The following RPRD2 variants were observed in gnomAD, a reference collection of about 807,000 sequenced individuals.
The protein encoded by RPRD2 is regulation of nuclear pre-mRNA domain-containing protein 2.
RPRD2 carries 12 observed loss-of-function variants against 104.4 expected under a neutral mutation model. That is an observed-to-expected ratio of 0.11 (90% CI 0.07 to 0.19). The LOEUF is 0.19. RPRD2 is among the 10% of genes least tolerant of loss of function. The probability of loss-of-function intolerance (pLI) is 1.00; values close to 1 mark genes in which losing one functional copy is unlikely to be tolerated. For missense variants in RPRD2, 1,543 were observed against 1,790.1 expected (o/e 0.86, Z 2.49); for synonymous variants, 714 against 684.9 (o/e 1.04, Z -0.66).
chr1:150,385,965 T>A (rs141676704), intron 1 of RPRD2, among the ~76,000 whole-genome samples: 1 of 152,144 alleles, frequency 6.6e-6, no homozygotes, highest in African/African-American at 2.4e-5. Flanking sequence ...TTTCCTGAGT[T>A]GAGTAATAAA....
intron 1 of RPRD2, among the ~76,000 whole-genome samples, chr1:150,374,018 C>T (rs587685221): frequency 6.6e-6 from 1 of 152,218 alleles, no homozygotes; most frequent in Admixed American, 6.5e-5. Context: ...ATTTTGTATG[C>T]TAATGAGTTG....
In RPRD2 at chr1:150,472,860, T is replaced by G. The variant is rs769089741; in HGVS notation, c.3912T>G (p.Val1304=). The G allele has an allele frequency of 1.7e-5, 27 of 1,612,806 alleles. No homozygotes were observed. The highest frequency in any genetic ancestry group is 2.2e-5 in the Non-Finnish European group (26 of 1,179,412). ...CACCCCCTGTTGACCACTCTGGAGTTGTACCCTTCCCAGCCCCACCACTGG... is the reference window on the plus strand; with the variant it reads ...CACCCCCTGTTGACCACTCTGGAGTGGTACCCTTCCCAGCCCCACCACTGG... ...PPPPPVDHSG[V]VPFPAPPLAE... Residue 1304 remains valine, a synonymous_variant, in exon 11 of 11, where the codon GTT becomes GTG. Coordinates refer to ENST00000369068, the MANE Select transcript of RPRD2 (RefSeq NM_015203.5).
chr1:150,427,392 G>T (rs1328713709), intron 2 of RPRD2, among the ~76,000 whole-genome samples: 1 of 151,478 alleles, frequency 6.6e-6, no homozygotes, highest in Non-Finnish European at 1.5e-5. Context: ...AGAATTGCTT[G>T]AACCCAGGAG....
intron 9 of RPRD2, 35 bp from the exon 10 acceptor site, chr1:150,464,492 A>G (rs1668138224): frequency 6.5e-7 from 1 of 1,533,624 alleles, no homozygotes; most frequent in Non-Finnish European, 8.9e-7. Flanking sequence ...GTCATTTTGA[A>G]TTGCATTTTC....
intron 2 of RPRD2, among the ~76,000 whole-genome samples, chr1:150,426,629 T>A (rs7536190): frequency 0.92 from 140,030 of 152,250 alleles, 64,522 homozygotes; most frequent in East Asian, 1. Flanking sequence ...CTAATTAAAT[T>A]TAAAACAAAT....
chr1:150,369,623 A>T (rs1209542016), intron 1 of RPRD2, among the ~76,000 whole-genome samples: 3 of 68,896 alleles, frequency 4.4e-5, no homozygotes, highest in Non-Finnish European at 8.9e-5. Context: ...CGCCCAGCTA[A>T]TTTTTTTTTT....
intron 1 of RPRD2, among the ~76,000 whole-genome samples, chr1:150,396,447 G>A (rs1662535026): frequency 1.3e-5 from 2 of 151,988 alleles, no homozygotes; most frequent in Non-Finnish European, 2.9e-5. Flanking sequence ...GTCTAGAAGG[G>A]TTTTTCCATT....
At chr1:150,427,195 G>A (rs35839589) in intron 2 of RPRD2, among the ~76,000 whole-genome samples, 33,603 of 151,672 alleles carry the variant, frequency 0.22, 4,204 homozygotes, top group African/African-American at 0.32. Flanking sequence ...AGAAAAGGCC[G>A]GGTGCTGTGG....
intron 2 of RPRD2, among the ~76,000 whole-genome samples, chr1:150,432,240 A>T (rs1027092355): frequency 6.6e-6 from 1 of 152,108 alleles, no homozygotes; most frequent in Non-Finnish European, 1.5e-5. Flanking sequence ...CCATGAAAAC[A>T]TGCTGAAATA....
At chr1:150,384,448 ATCATTATTATTATTATTATTATTAT>A in intron 1 of RPRD2, among the ~76,000 whole-genome samples, 1 of 107,672 alleles carries the variant, frequency 9.3e-6, no homozygotes, top group African/African-American at 2.9e-5. Flanking sequence ...AGGCATCATC[ATCATTATTATTATTATTATTATTAT>A]TATTATTATT....
intron 2 of RPRD2, among the ~76,000 whole-genome samples, chr1:150,437,679 A>G (rs1406384462): frequency 6.6e-6 from 1 of 152,024 alleles, no homozygotes; most frequent in East Asian, 1.9e-4. Context: ...CCCTGGTCTC[A>G]ACCGATTCCC....
intron 1 of RPRD2, among the ~76,000 whole-genome samples, chr1:150,370,211 CCTT>C (rs1177709513): frequency 1.3e-4 from 20 of 152,250 alleles, no homozygotes; most frequent in African/African-American, 4.8e-4. Context: ...CAGGCCCAGA[CCTT>C]CTTTCCCATT....
chr1:150,462,995 C>T (rs1276833909), intron 9 of RPRD2, among the ~76,000 whole-genome samples: 4 of 152,086 alleles, frequency 2.6e-5, no homozygotes, highest in African/African-American at 4.8e-5. Context: ...TGAGATCACA[C>T]GTGTGCACCA....
chr1:150,430,620 T>C (rs1224276540), intron 2 of RPRD2, among the ~76,000 whole-genome samples: 3 of 151,996 alleles, frequency 2.0e-5, no homozygotes, highest in African/African-American at 4.8e-5. Flanking sequence ...GAGAGAACTT[T>C]TGAGTTCTTT....
At chr1:150,383,548 C>T (rs1302924824) in intron 1 of RPRD2, among the ~76,000 whole-genome samples, 1 of 151,946 alleles carries the variant, frequency 6.6e-6, no homozygotes, top group Non-Finnish European at 1.5e-5. Context: ...AACTCCTGAC[C>T]TCAGGTGATC....
chr1:150,416,970 G>A (rs781980121), intron 1 of RPRD2, among the ~76,000 whole-genome samples: 10 of 151,922 alleles, frequency 6.6e-5, no homozygotes, highest in Non-Finnish European at 1.3e-4. Context: ...GTCTAGTGAT[G>A]AAAGCAGCAG....
intron 1 of RPRD2, among the ~76,000 whole-genome samples, chr1:150,374,955 CTG>C (rs1660590485): frequency 6.7e-6 from 1 of 150,162 alleles, no homozygotes; most frequent in African/African-American, 2.4e-5. Context: ...AGCAGGAGCT[CTG>C]TTATAATTGG....
At chr1:150,456,030 A>G (rs949253421) in intron 7 of RPRD2, among the ~76,000 whole-genome samples, 2 of 151,814 alleles carry the variant, frequency 1.3e-5, no homozygotes, top group South Asian at 2.1e-4. Context: ...GTATCTCCCT[A>G]TGTTGCCCAG....
intron 1 of RPRD2, among the ~76,000 whole-genome samples, chr1:150,396,554 A>G (rs147526504): frequency 9.8e-5 from 15 of 152,314 alleles, no homozygotes; most frequent in South Asian, 2.1e-4. Context: ...ATGAGGATCC[A>G]GTTTCATTCT....
Sources: gnomAD v4.1 joint callset for allele counts (sites outside exome capture counted in the v4.1 genomes callset) on GRCh38, gnomAD v4.1.1 for gene constraint, MANE v1.5 for transcripts, NCBI Gene and HGNC (gene_info 2026-07-23, HGNC 2026-07-21) for gene names.